Variants in KLC2 observed in about 807,000 individuals in gnomAD.
The protein encoded by KLC2 is kinesin light chain 2.
A neutral mutation model predicts 75.1 loss-of-function variants in KLC2; 35 were observed. The observed-to-expected ratio is 0.47, with a 90% CI of 0.36 to 0.62. KLC2 has a LOEUF of 0.62. Ranked by LOEUF, KLC2 falls within the 20% of genes least tolerant of loss-of-function variation. The pLI is 0.00. For synonymous variants in KLC2, 314 were observed against 336.7 expected (o/e 0.93, Z 0.74); for missense variants, 611 against 833.2 (o/e 0.73, Z 3.28).
chr11:66,263,596 G>A, intron 5 of KLC2, 64 bp from the exon 6 acceptor site: 2 of 1,127,478 alleles, frequency 1.8e-6, no homozygotes. Context: ...CACAGGGATT[G>A]CAGACCATTG....
At chr11:66,264,742 C>T (rs1223116934) in intron 9 of KLC2, 2 of 583,714 alleles carry the variant, frequency 3.4e-6, no homozygotes, top group Non-Finnish European at 3.1e-6. Context: ...TCTGGGAAAC[C>T]ACCTCTGGCC....
At position 66,267,309 on chromosome 11, in the gene KLC2, C is replaced by T. The variant is rs1236348265; in HGVS notation, c.*353C>T. On this transcript the variant is annotated 3_prime_UTR_variant, in exon 16 of 16. Transcript: ENST00000394067. ...CGGCCCTTCGGCACCCTCGCCCTCC[C>T]TCCCGACTCAACCCGGCCGTTGCTT... 2.3e-6 allele frequency: 2 copies of T among 882,208 alleles called. No homozygotes were observed. Among genetic ancestry groups the T allele is most frequent in the South Asian group, 1.4e-5 (1 of 70,774 alleles). 54.6% of individuals were successfully genotyped at this position (882,208 alleles called of 1,614,324 possible).
Position 66,267,299 on chromosome 11 carries a change from C to G in KLC2, c.*343C>G, listed in dbSNP as rs1182338298. ...AAGCACTCGCCGGCCCTTCGGCACC[C>G]TCGCCCTCCCTCCCGACTCAACCCG... On this transcript the variant is annotated 3_prime_UTR_variant, in exon 16 of 16. Transcript: ENST00000394067. 2 of 931,658 alleles carry G rather than the reference C, an allele frequency of 2.1e-6. No homozygotes were observed. Among genetic ancestry groups the G allele is most frequent in the Admixed American group, 4.0e-5 (2 of 50,260 alleles). The allele number at this position is 931,658 out of a possible 1,614,324, so 57.7% of individuals were successfully genotyped here.
chr11:66,261,063 TAAAAAAA>T (rs60556220), intron 2 of KLC2: 3 of 136,382 alleles, frequency 2.2e-5, no homozygotes, highest in Admixed American at 7.2e-5. Context: ...TGTCTTAAAT[TAAAAAAA>T]AAAAAAAAAA....
upstream of KLC2, among the ~76,000 whole-genome samples, chr11:66,256,970 G>T (rs1211889202): frequency 2.0e-5 from 3 of 152,294 alleles, no homozygotes; most frequent in East Asian, 5.8e-4. Context: ...ACTGCGGTAG[G>T]ACTGAGTGAA....
In KLC2 at chr11:66,265,076, G is replaced by C. The variant is rs530520549; in HGVS notation, c.1266+4G>C. Reference sequence around the variant, plus strand: ...AGAGGAGCGGGAGGAAAGCAAGGTAGCTCTGTGGGGCAGGCTGGGCGGTTG... The same window carrying C: ...AGAGGAGCGGGAGGAAAGCAAGGTACCTCTGTGGGGCAGGCTGGGCGGTTG... On this transcript the variant is annotated splice_donor_region_variant and intron_variant, in intron 10 of 15. Transcript: ENST00000394067. The C allele has an allele frequency of 1.2e-6, 2 of 1,610,834 alleles. No homozygotes were observed. The highest frequency in any genetic ancestry group is 1.7e-6 in the Non-Finnish European group (2 of 1,177,506).
At chr11:66,255,654 T>C (rs1856002671), upstream of KLC2, among the ~76,000 whole-genome samples, 1 of 151,864 alleles carries the variant, frequency 6.6e-6, no homozygotes, top group Admixed American at 6.6e-5. Flanking sequence ...ACATAATCAA[T>C]GGACATAAGA....
upstream of KLC2, among the ~76,000 whole-genome samples, chr11:66,257,045 C>G (rs1432050536): frequency 1.3e-5 from 2 of 152,320 alleles, no homozygotes; most frequent in East Asian, 3.9e-4. Flanking sequence ...CTCCAAATAC[C>G]TTAACTGACA....
At chr11:66,252,622 T>C (rs1855973683), upstream of KLC2, among the ~76,000 whole-genome samples, 1 of 152,210 alleles carries the variant, frequency 6.6e-6, no homozygotes, top group Non-Finnish European at 1.5e-5. Flanking sequence ...ATAGGAACCC[T>C]GCTTTACAGA....
chr11:66,253,404 G>A (rs540149593), upstream of KLC2, among the ~76,000 whole-genome samples: 8 of 152,344 alleles, frequency 5.3e-5, no homozygotes, highest in Admixed American at 3.3e-4. Context: ...GGGCTTCTGA[G>A]GATCTAAAGG....
chr11:66,251,618 C>CAA, the KLC2 span, among the ~76,000 whole-genome samples: 1 of 151,002 alleles, frequency 6.6e-6, no homozygotes, highest in Non-Finnish European at 1.5e-5. Context: ...ACTAAAAATA[C>CAA]AAAATTAGCC....
upstream of KLC2, among the ~76,000 whole-genome samples, chr11:66,252,746 T>C (rs1486655571): frequency 6.6e-6 from 1 of 152,110 alleles, no homozygotes; most frequent in African/African-American, 2.4e-5. Flanking sequence ...GTCCCTCCAC[T>C]GAGCAGGGCA....
chr11:66,264,782 C>T (rs1404821097), intron 9 of KLC2: 1 of 587,694 alleles, frequency 1.7e-6, no homozygotes, highest in African/African-American at 1.9e-5. Flanking sequence ...CTCCTGAGTC[C>T]CTCGGAGCCT....
chr11:66,260,903 T>G (rs1186812627), intron 2 of KLC2: 1 of 152,092 alleles, frequency 6.6e-6, no homozygotes, highest in Non-Finnish European at 1.5e-5. Context: ...CCAAAAAATT[T>G]TTTAAATTAG....
chr11:66,246,427 T>A, the KLC2 span, among the ~76,000 whole-genome samples: 4 of 152,018 alleles, frequency 2.6e-5, no homozygotes, highest in Non-Finnish European at 5.9e-5. Context: ...TGACACCATA[T>A]CCTCAGCCTC....
upstream of KLC2, among the ~76,000 whole-genome samples, chr11:66,252,925 CCTCAGGAAG>C (rs528280497): frequency 1.9e-3 from 288 of 152,108 alleles, 2 homozygotes; most frequent in Non-Finnish European, 2.3e-3. Flanking sequence ...GACAAGGGCC[CCTCAGGAAG>C]CTCAGGAAGC....
chr11:66,266,380 C>T, intron 14 of KLC2, 53 bp from the exon 15 acceptor site: 1 of 1,541,926 alleles, frequency 6.5e-7, no homozygotes, highest in Non-Finnish European at 8.8e-7. Context: ...TCCCTGCCCC[C>T]ATCTCCCGTG....
At chr11:66,247,656 C>A in the KLC2 span, among the ~76,000 whole-genome samples, 1 of 151,752 alleles carries the variant, frequency 6.6e-6, no homozygotes, top group Non-Finnish European at 1.5e-5. Flanking sequence ...ATATTTCCCA[C>A]TCCTTGGCAT....
Position 66,261,991 on chromosome 11 carries a change from C to T in KLC2, c.459+19C>T, listed in dbSNP as rs1232563539. 1 of 1,605,850 alleles carries T rather than the reference C, an allele frequency of 6.2e-7. No homozygotes were observed. On this transcript the variant is annotated intron_variant, in intron 3 of 15. Transcript: ENST00000394067. ...CCCTAACGTGAGCTCCTACCATGGT[C>T]ACTGTTGCCCAGCAAGGAGGCCTGG...
Sources: allele counts gnomAD v4.1 joint callset (sites outside exome capture counted in the v4.1 genomes callset), GRCh38; gene constraint gnomAD v4.1.1; transcripts MANE v1.5; gene names NCBI Gene and HGNC (gene_info 2026-07-23, HGNC 2026-07-21).